Variants in DIP2C observed in about 807,000 individuals in gnomAD.
The protein encoded by DIP2C is DIP2 acetate--CoA ligase C (putative).
DIP2C carries 33 observed loss-of-function variants against 192.4 expected under a neutral mutation model. The ratio of observed to expected loss-of-function variants is 0.17; its 90% CI spans 0.13 to 0.23. The LOEUF is 0.23. Among genes scored for constraint, DIP2C ranks in the 10% least tolerant of loss-of-function variants. The probability of loss-of-function intolerance (pLI) is 1.00; values close to 1 mark genes in which losing one functional copy is unlikely to be tolerated. For synonymous variants in DIP2C, 979 were observed against 864.1 expected (o/e 1.13, Z -2.33); for missense variants, 1,537 against 2,110.1 (o/e 0.73, Z 5.32).
rs1368534486 is a variant in DIP2C, at chr10:323,804, A to G, written c.3924+3202T>C. Among the ~76,000 whole-genome samples the G allele has an allele frequency of 4.6e-5, 7 of 152,208 alleles. No individual in the cohort carries two copies. The East Asian group carries it at 1.2e-3, about 25-fold the overall frequency. On this transcript the variant is annotated intron_variant, in intron 31 of 36. Transcript: ENST00000280886. ...GCTTTCCTTATTAGGACTCATGAGC[A>G]GTGTGGTCCGTACATTTAATGTACC...
intron 3 of DIP2C, 21 bp from the exon 4 acceptor site, chr10:441,017 T>A: frequency 6.2e-7 from 1 of 1,606,984 alleles, no homozygotes; most frequent in Non-Finnish European, 8.5e-7. Context: ...GAGAGCTCAG[T>A]CACTCAGTGC....
At chr10:372,536 C>T (rs1033456465) in intron 17 of DIP2C, among the ~76,000 whole-genome samples, 4 of 152,216 alleles carry the variant, frequency 2.6e-5, no homozygotes, top group South Asian at 2.1e-4. Flanking sequence ...ATATTAGCCA[C>T]GTTAACCTTC....
chr10:611,966 C>T (rs1168687403), intron 1 of DIP2C, among the ~76,000 whole-genome samples: 1 of 116,172 alleles, frequency 8.6e-6, no homozygotes, highest in East Asian at 2.5e-4. Flanking sequence ...GATTTTCAGA[C>T]AGCTTTTTTT....
At chr10:413,397 T>C (rs1204835852) in intron 8 of DIP2C, among the ~76,000 whole-genome samples, 6 of 152,218 alleles carry the variant, frequency 3.9e-5, no homozygotes, top group African/African-American at 1.4e-4. Context: ...TAGACATTTT[T>C]TCTAACTACC....
At chr10:614,217 T>C (rs1317011839) in intron 1 of DIP2C, among the ~76,000 whole-genome samples, 2 of 152,236 alleles carry the variant, frequency 1.3e-5, no homozygotes, top group African/African-American at 4.8e-5. Flanking sequence ...CGAGTCACAC[T>C]TGGTGATCTC....
intron 31 of DIP2C, among the ~76,000 whole-genome samples, chr10:318,228 C>A (rs1283067434): frequency 1.3e-5 from 2 of 152,212 alleles, no homozygotes; most frequent in African/African-American, 4.8e-5. Context: ...AGAACTCCTC[C>A]ACTTTTTGAG....
chr10:593,422 C>T (rs1026028178), intron 1 of DIP2C, among the ~76,000 whole-genome samples: 7 of 151,950 alleles, frequency 4.6e-5, no homozygotes, highest in East Asian at 1.9e-4. Context: ...ACCTCACCCC[C>T]GCTGTCTCCC....
intron 3 of DIP2C, among the ~76,000 whole-genome samples, chr10:471,332 G>C (rs974341149): frequency 6.6e-6 from 1 of 152,146 alleles, no homozygotes; most frequent in Non-Finnish European, 1.5e-5. Context: ...TGAGGATGCA[G>C]AAGCAGCTAA....
chr10:583,259 A>G (rs1434440376), intron 1 of DIP2C, among the ~76,000 whole-genome samples: 1 of 152,264 alleles, frequency 6.6e-6, no homozygotes. Context: ...CAAACACGGC[A>G]TATCACTAAA....
chr10:287,040 T>C (rs1955177806), intron 33 of DIP2C, among the ~76,000 whole-genome samples: 1 of 152,164 alleles, frequency 6.6e-6, no homozygotes, highest in African/African-American at 2.4e-5. Context: ...CAACTCAAGA[T>C]ACTGGGGAAC....
At chr10:653,511 C>T (rs369554858) in intron 1 of DIP2C, among the ~76,000 whole-genome samples, 8 of 152,088 alleles carry the variant, frequency 5.3e-5, no homozygotes, top group Non-Finnish European at 8.8e-5. Flanking sequence ...CTTGGAGCCA[C>T]GGCAACGAAG....
intron 9 of DIP2C, among the ~76,000 whole-genome samples, chr10:405,981 T>C (rs1964779708): frequency 6.6e-6 from 1 of 152,184 alleles, no homozygotes; most frequent in South Asian, 2.1e-4. Flanking sequence ...AAGTAGCGCC[T>C]TCACCCCTGA....
Position 689,489 on chromosome 10 carries a change from G to A in DIP2C, c.85+5C>T. ...CGGCCCGGCCCGGGGCGGGGGCCCG[G>A]TTACCTTCCGACAGCTCCAGCTCCA... On this transcript the variant is annotated splice_donor_5th_base_variant and intron_variant, in intron 1 of 36. Coordinates refer to ENST00000280886, the MANE Select transcript of DIP2C (RefSeq NM_014974.3). The surrounding 1 kb of genome is among the most constrained non-coding windows in gnomAD (Gnocchi z 6.1). The A allele has an allele frequency of 8.1e-7, 1 of 1,235,570 alleles. No individual in the cohort carries two copies. Among genetic ancestry groups the A allele is most frequent in the Non-Finnish European group, 1.0e-6 (1 of 971,416 alleles). 76.5% of individuals were successfully genotyped at this position (1,235,570 alleles called of 1,614,324 possible). A position where few individuals can be genotyped will look rare whatever the true frequency, so the allele number is the denominator to read the frequency against.
At chr10:379,308 T>C (rs1962102140) in intron 17 of DIP2C, among the ~76,000 whole-genome samples, 1 of 150,962 alleles carries the variant, frequency 6.6e-6, no homozygotes, top group African/African-American at 2.4e-5. Context: ...GAAGTGCCCG[T>C]GCATCCTGCG....
rs112180666 is a variant in DIP2C at position 529,777 on chromosome 10, T to C, written c.86-43247A>G. Among the ~76,000 whole-genome samples, 93 of 152,276 alleles carry C rather than the reference T, an allele frequency of 6.1e-4. 1 individual carries two copies. The highest frequency in any genetic ancestry group is 2.1e-3 in the African/African-American group (87 of 41,556). ...ATTCTCCCCTCCTGCTATGGAAAGG[T>C]TTAGCTTGCTTTTATTTTTTTAGGT... On this transcript the variant is annotated intron_variant, in intron 1 of 36. Coordinates refer to ENST00000280886, the MANE Select transcript of DIP2C (RefSeq NM_014974.3).
intron 1 of DIP2C, among the ~76,000 whole-genome samples, chr10:685,258 C>T (rs1288132051): frequency 6.7e-6 from 1 of 148,400 alleles, no homozygotes; most frequent in Non-Finnish European, 1.5e-5. Flanking sequence ...CTGGCACGTG[C>T]GCGAGCCTTC....
chr10:630,143 CCCAA>C (rs1268957181), intron 1 of DIP2C: 1 of 152,266 alleles, frequency 6.6e-6, no homozygotes, highest in African/African-American at 2.4e-5. Flanking sequence ...TGACCACAAA[CCCAA>C]GAAGCAAAAC....
intron 33 of DIP2C, among the ~76,000 whole-genome samples, chr10:288,084 CT>C (rs567436077): frequency 2.7e-3 from 415 of 152,258 alleles, no homozygotes; most frequent in Middle Eastern, 0.024. Context: ...TGAGGGGCCC[CT>C]GGTAATTGGG....
chr10:560,382 TAAAAAAAAAAA>T (rs1849139992), intron 1 of DIP2C, among the ~76,000 whole-genome samples: 1 of 145,398 alleles, frequency 6.9e-6, no homozygotes. Context: ...CACAACCATT[TAAAAAAAAAAA>T]GAAAAAAGTG....
Sources: gnomAD v4.1 joint callset for allele counts (sites outside exome capture counted in the v4.1 genomes callset) on GRCh38, gnomAD v4.1.1 for gene constraint, Gnocchi (gnomAD v3.1) non-coding constraint, MANE v1.5 for transcripts, NCBI Gene and HGNC (gene_info 2026-07-23, HGNC 2026-07-21) for gene names.